The following CPQ variants were observed in gnomAD, a reference collection of about 807,000 sequenced individuals.
CPQ encodes carboxypeptidase Q.
CPQ carries 37 observed loss-of-function variants against 45.7 expected under a neutral mutation model. The observed-to-expected ratio is 0.81, with a 90% CI of 0.62 to 1.07. CPQ has a LOEUF of 1.07. Among genes scored for constraint, CPQ ranks in the 50% least tolerant of loss-of-function variants. The probability of loss-of-function intolerance (pLI) is 0.00; values close to 1 mark genes in which losing one functional copy is unlikely to be tolerated. For synonymous variants in CPQ, 186 were observed against 205.8 expected, an observed-to-expected ratio of 0.90 and a Z score of 0.82; for missense variants, 537 against 572.9, an observed-to-expected ratio of 0.94 and a Z score of 0.64.
rs141010081 is a variant in CPQ at position 96,778,809 on chromosome 8, GTAA to G, written c.-34-6053_-34-6051del. ...TGGCAAAGTGTGGTGGCTCACGCCT[GTAA>G]TCCCAGCACTTTGGGAGGCTGATGG... is the stretch of plus-strand genomic sequence containing the variant. On this transcript the variant is annotated intron_variant, in intron 1 of 7. Coordinates refer to ENST00000220763, the MANE Select transcript of CPQ (RefSeq NM_016134.4). 5.6e-3 allele frequency among the ~76,000 whole-genome samples: 852 copies of G among 152,236 alleles called. 8 individuals are homozygous for G. Among genetic ancestry groups the G allele is most frequent in the Non-Finnish European group, 9.4e-3 (641 of 68,016 alleles).
intron 3 of CPQ, among the ~76,000 whole-genome samples, chr8:96,877,540 A>G (rs2130879130): frequency 6.6e-6 from 1 of 152,334 alleles, no homozygotes; most frequent in East Asian, 1.9e-4. Context: ...GTCTTCCTAC[A>G]TGTTGCAAGG....
chr8:96,713,632 G>A (rs531030763), intron 1 of CPQ, among the ~76,000 whole-genome samples: 2 of 152,240 alleles, frequency 1.3e-5, no homozygotes, highest in East Asian at 3.9e-4. Flanking sequence ...CTGCCCCCAT[G>A]ATTCAAATAC....
intron 7 of CPQ, among the ~76,000 whole-genome samples, chr8:97,135,787 A>G (rs1369977175): frequency 6.6e-6 from 1 of 152,260 alleles, no homozygotes; most frequent in Non-Finnish European, 1.5e-5. Context: ...TCCTTCACAC[A>G]GAACCACAGT....
chr8:96,734,439 C>T (rs1029287722), intron 1 of CPQ, among the ~76,000 whole-genome samples: 15 of 152,092 alleles, frequency 9.9e-5, no homozygotes, highest in African/African-American at 1.7e-4. Context: ...AGGCTGGGCG[C>T]GGTGGGTCAC....
intron 7 of CPQ, among the ~76,000 whole-genome samples, chr8:97,130,191 T>C (rs1265974227): frequency 6.6e-6 from 1 of 152,172 alleles, no homozygotes. Context: ...CACGCTTTCC[T>C]CTCCACCTTT....
chr8:96,946,549 A>G (rs1191691787), intron 4 of CPQ, among the ~76,000 whole-genome samples: 3 of 151,928 alleles, frequency 2.0e-5, no homozygotes, highest in Admixed American at 6.6e-5. Context: ...CGCTGCACCC[A>G]CTAACTCTAG....
intron 7 of CPQ, among the ~76,000 whole-genome samples, chr8:97,101,951 C>T (rs58225847): frequency 0.02 from 1,784 of 90,308 alleles, 55 homozygotes; most frequent in African/African-American, 0.073. Flanking sequence ...TCCCTCCCTC[C>T]CTCTCTCTCT....
chr8:96,740,395 A>T (rs1183534825), intron 1 of CPQ, among the ~76,000 whole-genome samples: 1 of 152,114 alleles, frequency 6.6e-6, no homozygotes. Context: ...ATATACAATC[A>T]TGTCATCTGC....
At position 97,122,949 on chromosome 8, in the gene CPQ, A is replaced by AAATAAAATAAAATAAAATAAAAT. The variant is rs1811743732; in HGVS notation, c.1256-20070_1256-20069insATAAAATAAAATAAAATAAAATA. On this transcript the variant is annotated intron_variant, in intron 7 of 7. Transcript: ENST00000220763. The stretch of plus-strand genomic sequence containing the variant: ...AAATAAATAAAATAAAATAAAATAA[A>AAATAAAATAAAATAAAATAAAAT]ATAAAATAAAATAAAATAAAATAAA... 6.0e-5 allele frequency among the ~76,000 whole-genome samples: 5 copies of AAATAAAATAAAATAAAATAAAAT among 83,644 alleles called. 1 individual carries two copies. Among genetic ancestry groups the AAATAAAATAAAATAAAATAAAAT allele is most frequent in the African/African-American group, 2.0e-4 (3 of 15,374 alleles). 54.9% of individuals were successfully genotyped at this position (83,644 alleles called of 152,430 possible).
chr8:97,074,220 T>C (rs898374191), intron 7 of CPQ, among the ~76,000 whole-genome samples: 5 of 152,200 alleles, frequency 3.3e-5, no homozygotes, highest in African/African-American at 1.2e-4. Context: ...GGATTGAGGA[T>C]GAAGAGACTA....
intron 4 of CPQ, among the ~76,000 whole-genome samples, chr8:96,929,290 C>T (rs1235943763): frequency 1.3e-5 from 2 of 152,106 alleles, no homozygotes; most frequent in East Asian, 3.8e-4. Flanking sequence ...ATTTAAGACT[C>T]TCTGAACAGA....
rs1375354435 is a variant in CPQ, at chr8:97,122,990, AATAAAATAAAAT to A, written c.1256-20016_1256-20005del. Among the ~76,000 whole-genome samples the A allele has an allele frequency of 1.8e-3, 132 of 72,856 alleles. 12 individuals are homozygous for A. The highest frequency in any genetic ancestry group is 2.1e-3 in the Non-Finnish European group (92 of 43,286). The allele number at this position is 72,856 out of a possible 152,430, so 47.8% of individuals were successfully genotyped here. On this transcript the variant is annotated intron_variant, in intron 7 of 7. Coordinates refer to ENST00000220763, the MANE Select transcript of CPQ (RefSeq NM_016134.4). Reference sequence around the variant, plus strand: ...ATAAAATAAAATAAAATTAAAATAAAATAAAATAAAATATAAAATAAAATAAAATAAAATAAA... The same window carrying A: ...ATAAAATAAAATAAAATTAAAATAAAATAAAATAAAATAAAATAAAATAAA...
intron 1 of CPQ, among the ~76,000 whole-genome samples, chr8:96,738,180 G>A (rs969601302): frequency 3.6e-4 from 54 of 152,068 alleles, no homozygotes; most frequent in Non-Finnish European, 6.8e-4. Flanking sequence ...TGAAAAGAAT[G>A]TGTATTCTCA....
intron 5 of CPQ, among the ~76,000 whole-genome samples, chr8:96,967,484 C>T (rs1043425786): frequency 5.9e-5 from 9 of 152,216 alleles, no homozygotes; most frequent in Middle Eastern, 3.4e-3. Context: ...CTTACTTCTT[C>T]GGTATTCAGC....
chr8:96,780,110 A>G (rs534305282), intron 1 of CPQ, among the ~76,000 whole-genome samples: 2 of 152,192 alleles, frequency 1.3e-5, no homozygotes, highest in African/African-American at 2.4e-5. Context: ...GAGTGCCTGT[A>G]TTTGAGTATA....
intron 5 of CPQ, among the ~76,000 whole-genome samples, chr8:96,973,755 T>C (rs1813722569): frequency 6.6e-6 from 1 of 152,178 alleles, no homozygotes; most frequent in African/African-American, 2.4e-5. Context: ...CCAAGAATTT[T>C]GTATCCAGCA....
At chr8:96,801,739 G>A (rs1468488281) in intron 2 of CPQ, among the ~76,000 whole-genome samples, 1 of 152,116 alleles carries the variant, frequency 6.6e-6, no homozygotes, top group African/African-American at 2.4e-5. Flanking sequence ...TAGGCTGATA[G>A]CATCAGGTAT....
intron 2 of CPQ, among the ~76,000 whole-genome samples, chr8:96,809,207 T>G (rs949737192): frequency 6.6e-6 from 1 of 151,980 alleles, no homozygotes; most frequent in Admixed American, 6.6e-5. Flanking sequence ...ATATTACACA[T>G]ATATTGAACT....
intron 7 of CPQ, among the ~76,000 whole-genome samples, chr8:97,121,425 T>A (rs1022697169): frequency 2.0e-5 from 3 of 152,226 alleles, no homozygotes; most frequent in Non-Finnish European, 4.4e-5. Context: ...TAGAAGGGCC[T>A]TGGTGTAATA....
Sources: gnomAD v4.1 joint callset for allele counts (sites outside exome capture counted in the v4.1 genomes callset) on GRCh38, gnomAD v4.1.1 for gene constraint, MANE v1.5 for transcripts, NCBI Gene and HGNC (gene_info 2026-07-23, HGNC 2026-07-21) for gene names.